The following FRMD4B variants were observed in gnomAD, a reference collection of about 807,000 sequenced individuals.
FRMD4B encodes FERM domain-containing protein 4B.
A neutral mutation model predicts 141.5 loss-of-function variants in FRMD4B; 74 were observed. The observed-to-expected ratio is 0.52, with a 90% CI of 0.43 to 0.63. The LOEUF is 0.63. Among genes scored for constraint, FRMD4B ranks in the 30% least tolerant of loss-of-function variants. FRMD4B has a pLI of 0.00. For missense variants in FRMD4B, 1,366 were observed against 1,253.4 expected, an observed-to-expected ratio of 1.09 and a Z score of -1.36; for synonymous variants, 506 against 467.9, an observed-to-expected ratio of 1.08 and a Z score of -1.05.
intron 1 of FRMD4B, among the ~76,000 whole-genome samples, chr3:69,474,564 C>G (rs375764102): frequency 1.4e-4 from 22 of 152,200 alleles, no homozygotes; most frequent in South Asian, 6.2e-4. Context: ...CATTTCTGCC[C>G]CAAAAGCTAC....
intron 2 of FRMD4B, among the ~76,000 whole-genome samples, chr3:69,391,768 AG>A: frequency 6.6e-6 from 1 of 152,310 alleles, no homozygotes; most frequent in Non-Finnish European, 1.5e-5. Context: ...GTGACGTGGA[AG>A]CAAGGCTGGC....
At chr3:69,337,548 T>A (rs185735409) in intron 1 of FRMD4B, among the ~76,000 whole-genome samples, 6 of 152,220 alleles carry the variant, frequency 3.9e-5, no homozygotes, top group Non-Finnish European at 7.4e-5. Context: ...AATTTTTGCA[T>A]CCTACTCATC....
chr3:69,250,281 C>CTGTGTGTGTGTGTGTG, intron 5 of FRMD4B, 182 bp from the exon 6 acceptor site: 2 of 511,722 alleles, frequency 3.9e-6, no homozygotes, highest in Non-Finnish European at 6.9e-6. Flanking sequence ...GGCGAAACCA[C>CTGTGTGTGTGTGTGTG]TGTGTGTGCG....
At chr3:69,410,726 AATATATATATATATATATATATATATAT>A (rs767608068) in intron 2 of FRMD4B, among the ~76,000 whole-genome samples, 3,578 of 86,300 alleles carry the variant, frequency 0.041, 252 homozygotes, top group African/African-American at 0.14. Context: ...TAAATAAATA[AATATATATATATATATATATATATATAT>A]ATATATATAT....
chr3:69,212,368 A>G lies in FRMD4B; in HGVS notation c.876+3895T>C, dbSNP rs868028220. ...GAGCGAAACCCCGTCTCAAAAAAAA[A>G]AAAAAAAAAAAAGAAAAAAAAAAAG... On this transcript the variant is annotated intron_variant, in intron 11 of 22. Transcript: ENST00000398540. 5.6e-5 allele frequency among the ~76,000 whole-genome samples: 4 copies of G among 72,036 alleles called. No individual in the cohort carries two copies. In the South Asian group the frequency reaches 1.7e-3, roughly 30 times the overall value. The allele number at this position is 72,036 out of a possible 152,430, so 47.3% of individuals were successfully genotyped here. A position where few individuals can be genotyped will look rare whatever the true frequency, so the allele number is the denominator to read the frequency against.
At chr3:69,465,924 G>A (rs1294241163) in intron 1 of FRMD4B, among the ~76,000 whole-genome samples, 1 of 152,140 alleles carries the variant, frequency 6.6e-6, no homozygotes, top group Non-Finnish European at 1.5e-5. Context: ...GGATTGCTGG[G>A]TCAAATGGTA....
chr3:69,189,571 G>A (rs911402279), intron 18 of FRMD4B, among the ~76,000 whole-genome samples: 7 of 152,060 alleles, frequency 4.6e-5, no homozygotes, highest in Admixed American at 3.3e-4. Context: ...ACAACTCTCC[G>A]TAAATCTATG....
chr3:69,288,293 G>T (rs1196896919), intron 4 of FRMD4B, among the ~76,000 whole-genome samples: 1 of 152,230 alleles, frequency 6.6e-6, no homozygotes, highest in Non-Finnish European at 1.5e-5. Flanking sequence ...GGGGCCTGAG[G>T]GCCCCATGCC....
At chr3:69,213,305 A>AT (rs1327888238) in intron 11 of FRMD4B, among the ~76,000 whole-genome samples, 2 of 148,332 alleles carry the variant, frequency 1.3e-5, no homozygotes, top group East Asian at 4.0e-4. Flanking sequence ...CCCCTAAAGC[A>AT]TTTTTTTGTA....
intron 1 of FRMD4B, among the ~76,000 whole-genome samples, chr3:69,465,390 ATTCT>A (rs1705766776): frequency 6.6e-6 from 1 of 151,692 alleles, no homozygotes; most frequent in Admixed American, 6.6e-5. Flanking sequence ...TGACTGGATT[ATTCT>A]TTCTTTAAAA....
chr3:69,536,390 C>G, intron 1 of FRMD4B: 1 of 712,970 alleles, frequency 1.4e-6, no homozygotes, highest in South Asian at 1.5e-5. Flanking sequence ...CGGCACATGC[C>G]AGTGGCCAGC....
At chr3:69,247,749 C>A (rs1054395160) in intron 7 of FRMD4B, among the ~76,000 whole-genome samples, 2 of 152,122 alleles carry the variant, frequency 1.3e-5, no homozygotes, top group Non-Finnish European at 2.9e-5. Flanking sequence ...CCCGGGTTCA[C>A]GCCATTCTCC....
intron 1 of FRMD4B, among the ~76,000 whole-genome samples, chr3:69,373,743 C>T (rs552987442): frequency 5.3e-5 from 8 of 151,932 alleles, no homozygotes; most frequent in East Asian, 1.9e-4. Context: ...GGTGTGGTGG[C>T]GCGCCTGGAG....
At position 69,518,394 on chromosome 3, in the gene FRMD4B, T is replaced by C. The variant is rs368661922; in HGVS notation, c.-129+23812A>G. Among the ~76,000 whole-genome samples the C allele has an allele frequency of 2.6e-4, 40 of 152,284 alleles. 1 individual carries two copies. The East Asian group carries it at 6.9e-3, about 26-fold the overall frequency. On this transcript the variant is annotated intron_variant, in intron 1 of 5. Coordinates refer to the FRMD4B transcript ENST00000459638. ...AAGCTAAGTTCTGGGAATATAAAGG[T>C]GGCTAAGATGCTAAGCTTGTCTGGA...
At chr3:69,346,242 T>C (rs1702937011) in intron 1 of FRMD4B, among the ~76,000 whole-genome samples, 1 of 151,718 alleles carries the variant, frequency 6.6e-6, no homozygotes, top group African/African-American at 2.4e-5. Context: ...TGATTGAAGA[T>C]TAAATGAATG....
chr3:69,491,167 CA>C (rs1706295860), intron 1 of FRMD4B, among the ~76,000 whole-genome samples: 1 of 152,134 alleles, frequency 6.6e-6, no homozygotes, highest in Non-Finnish European at 1.5e-5. Context: ...GAGTCTGTCC[CA>C]GGGGAGTTCA....
At chr3:69,500,893 G>C (rs548742921) in intron 1 of FRMD4B, among the ~76,000 whole-genome samples, 1 of 152,168 alleles carries the variant, frequency 6.6e-6, no homozygotes, top group East Asian at 1.9e-4. Flanking sequence ...GGAAAGTCAC[G>C]CTCTCCACAT....
intron 1 of FRMD4B, among the ~76,000 whole-genome samples, chr3:69,377,358 T>A (rs1471206495): frequency 6.6e-6 from 1 of 152,196 alleles, no homozygotes; most frequent in Non-Finnish European, 1.5e-5. Flanking sequence ...TAGCAAGCAG[T>A]CAGGAGACCT....
At chr3:69,480,921 C>T (rs1332077170) in intron 1 of FRMD4B, among the ~76,000 whole-genome samples, 1 of 152,224 alleles carries the variant, frequency 6.6e-6, no homozygotes, top group Non-Finnish European at 1.5e-5. Flanking sequence ...ATGGCGGGCG[C>T]CCCTCCCCCA....
Sources: allele counts gnomAD v4.1 joint callset (sites outside exome capture counted in the v4.1 genomes callset), GRCh38; gene constraint gnomAD v4.1.1; transcripts MANE v1.5; gene names NCBI Gene and HGNC (gene_info 2026-07-23, HGNC 2026-07-21).